TSC22D2: variants seen among roughly 807,000 people sequenced by gnomAD.
TSC22D2 encodes the protein TSC22 domain family protein 2.
A neutral mutation model predicts 50.1 loss-of-function variants in TSC22D2; 5 were observed. That is an observed-to-expected ratio of 0.10 (90% CI 0.05 to 0.21). TSC22D2 has a LOEUF of 0.21. Among genes scored for constraint, TSC22D2 ranks in the 10% least tolerant of loss-of-function variants. The pLI, the probability that TSC22D2 is intolerant of heterozygous loss-of-function variation, is 1.00. For missense variants in TSC22D2, 1,003 were observed against 1,015.5 expected, an observed-to-expected ratio of 0.99 and a Z score of 0.17; for synonymous variants, 501 against 450.1, an observed-to-expected ratio of 1.11 and a Z score of -1.43.
chr3:150,443,121 GTTCCT>G (rs1313310222), intron 1 of TSC22D2, among the ~76,000 whole-genome samples: 4 of 152,174 alleles, frequency 2.6e-5, no homozygotes, highest in Admixed American at 2.6e-4. Context: ...TGTCTACAGT[GTTCCT>G]TTCAAGTTGT....
chr3:150,421,744 A>G (rs1388022654), intron 1 of TSC22D2, among the ~76,000 whole-genome samples: 8 of 152,170 alleles, frequency 5.3e-5, no homozygotes. Context: ...GGACCCCAGA[A>G]TTGCCATGTT....
chr3:150,454,521 T>C (rs1721130790), intron 1 of TSC22D2, among the ~76,000 whole-genome samples: 1 of 152,192 alleles, frequency 6.6e-6, no homozygotes, highest in Admixed American at 6.5e-5. Context: ...AGATTCCACA[T>C]CATCTGGGAA....
Position 150,409,661 on chromosome 3 carries a change from G to T in TSC22D2, c.311G>T (p.Gly104Val). ...GCGGCGGCTGCTGCTCCCGCCAACG[G>T]AGGAGGAGTCGTTTCGGCCCGGAGC... ...LAAAAAAPAN[G>V]GGVVSARSVS... Residue 104 changes from glycine (G) to valine (V), a missense_variant, in exon 1 of 3, where the codon GGA (glycine) becomes GTA (valine). Physicochemically the swap from Gly to Val is moderately radical, Grantham distance 109. This residue lies in a region of TSC22D2 where 200 missense variants were observed against 182.8 expected (regional missense o/e 1.09). Coordinates refer to ENST00000688009, the MANE Select transcript of TSC22D2 (RefSeq NM_001303264.2). This position sits in a 1 kb window ranked among gnomAD's most constrained non-coding sequence, Gnocchi z 7.4. The T allele has an allele frequency of 6.2e-7, 1 of 1,602,658 alleles. No individual in the cohort carries two copies.
intron 1 of TSC22D2, among the ~76,000 whole-genome samples, chr3:150,421,828 G>A (rs1560082186): frequency 2.6e-5 from 4 of 152,096 alleles, no homozygotes; most frequent in Admixed American, 1.3e-4. Flanking sequence ...TTTACATTTA[G>A]TCTCAGTTCT....
intron 1 of TSC22D2, chr3:150,422,915 T>C (rs1008144035): frequency 1.6e-4 from 93 of 570,156 alleles, no homozygotes; most frequent in Non-Finnish European, 2.3e-4. Context: ...AGCAAACTTA[T>C]GTGGTTTTAA....
intron 1 of TSC22D2, among the ~76,000 whole-genome samples, chr3:150,434,155 T>G (rs911524052): frequency 1.3e-5 from 2 of 150,250 alleles, no homozygotes; most frequent in Non-Finnish European, 3.0e-5. Context: ...GTTTTTTGTT[T>G]TTTTTTTTTT....
Position 150,463,546 on chromosome 3 carries a change from C to T in TSC22D2, c.*4910C>T, listed in dbSNP as rs891589386. 4 of 152,172 alleles carry T rather than the reference C, an allele frequency of 2.6e-5. No individual in the cohort carries two copies. The highest frequency in any genetic ancestry group is 9.7e-5 in the African/African-American group (4 of 41,436). The allele number at this position is 152,172 out of a possible 1,614,324, so 9.4% of individuals were successfully genotyped here. On this transcript the variant is annotated 3_prime_UTR_variant, in exon 3 of 3. Coordinates refer to ENST00000688009, the MANE Select transcript of TSC22D2 (RefSeq NM_001303264.2). ...ATTTCTGTACCAGTTCACAGAATTT[C>T]TACAGCAAGATCCCTTTAAATGTAT... is the stretch of plus-strand genomic sequence containing the variant.
At chr3:150,412,320 T>C (rs1719604995) in intron 1 of TSC22D2, among the ~76,000 whole-genome samples, 2 of 152,202 alleles carry the variant, frequency 1.3e-5, no homozygotes, top group Admixed American at 6.5e-5. Context: ...AGTTAGACAT[T>C]TCTTTGCTGG....
rs1457675742 is a variant in TSC22D2 at position 150,461,731 on chromosome 3, C to T, written c.*3095C>T. The T allele has an allele frequency of 1.3e-5, 2 of 151,984 alleles. No homozygotes were observed. Among genetic ancestry groups the T allele is most frequent in the Non-Finnish European group, 2.9e-5 (2 of 68,008 alleles). The allele number at this position is 151,984 out of a possible 1,614,324, so 9.4% of individuals were successfully genotyped here. On this transcript the variant is annotated 3_prime_UTR_variant, in exon 3 of 3. Coordinates refer to ENST00000688009, the MANE Select transcript of TSC22D2 (RefSeq NM_001303264.2). ...ATGCTAATTAGAAGTATTGAGATAA[C>T]GTTTTATAATCAAGCCTCCAGTGAC...
chr3:150,443,327 G>T (rs1720778150), intron 1 of TSC22D2, among the ~76,000 whole-genome samples: 1 of 152,144 alleles, frequency 6.6e-6, no homozygotes, highest in Non-Finnish European at 1.5e-5. Context: ...CATTGAACTG[G>T]GTACATCCTC....
chr3:150,447,218 T>C (rs376428728), intron 1 of TSC22D2, among the ~76,000 whole-genome samples: 2 of 152,278 alleles, frequency 1.3e-5, no homozygotes, highest in East Asian at 3.9e-4. Flanking sequence ...AGGAGGCAAA[T>C]GTGAGGCCAT....
In TSC22D2 at chr3:150,461,222, G is replaced by C. The variant is rs1197557579; in HGVS notation, c.*2586G>C. On this transcript the variant is annotated 3_prime_UTR_variant, in exon 3 of 3. Transcript: ENST00000688009. ...TGTTCAAAAATGCAGAATTATTGTG[G>C]TGTCTGCCCTCTGCTTTCCCATCAT... 6.6e-6 allele frequency: 1 copy of C among 152,130 alleles called. No individual in the cohort carries two copies. The highest frequency in any genetic ancestry group is 2.4e-5 in the African/African-American group (1 of 41,418). The allele number at this position is 152,130 out of a possible 1,614,324, so 9.4% of individuals were successfully genotyped here. A position where few individuals can be genotyped will look rare whatever the true frequency, so the allele number is the denominator to read the frequency against.
Position 150,410,522 on chromosome 3 carries a change from C to T in TSC22D2, c.1172C>T (p.Pro391Leu). The T allele has an allele frequency of 3.2e-6, 5 of 1,582,414 alleles. No homozygotes were observed. The highest frequency in any genetic ancestry group is 4.3e-6 in the Non-Finnish European group (5 of 1,165,804). ...LQQHVAGLQP[P>L]SPAQPSSTGA... Reference sequence around the variant, plus strand: ...CAGCACGTGGCCGGCCTGCAGCCGCCAAGCCCCGCGCAGCCCTCGTCCACC... The same window carrying T: ...CAGCACGTGGCCGGCCTGCAGCCGCTAAGCCCCGCGCAGCCCTCGTCCACC... Residue 391 changes from proline (P) to leucine (L), a missense_variant, in exon 1 of 3, where the codon CCA becomes CTA. Pro to Leu is a moderately conservative substitution (Grantham distance 98). Transcript: ENST00000688009.
rs1024774716 is a variant in TSC22D2 at position 150,438,706 on chromosome 3, T to C, written c.1959-18370T>C. On this transcript the variant is annotated intron_variant, in intron 1 of 2. Coordinates refer to ENST00000688009, the MANE Select transcript of TSC22D2 (RefSeq NM_001303264.2). ...ACCAGGAGATATTTGAGAAATAATATATTCATCTTTTCTTTAAAAAAAATC... is the reference window on the plus strand; with the variant it reads ...ACCAGGAGATATTTGAGAAATAATACATTCATCTTTTCTTTAAAAAAAATC... Among the ~76,000 whole-genome samples, 12 of 152,100 alleles carry C rather than the reference T, an allele frequency of 7.9e-5. 1 individual carries two copies. The highest frequency in any genetic ancestry group is 7.4e-5 in the Non-Finnish European group (5 of 68,002).
chr3:150,428,555 A>G (rs1687476599), intron 1 of TSC22D2, among the ~76,000 whole-genome samples: 2 of 151,556 alleles, frequency 1.3e-5, no homozygotes, highest in Admixed American at 1.3e-4. Context: ...ATTTATATGT[A>G]AATTCAGGGA....
intron 1 of TSC22D2, among the ~76,000 whole-genome samples, chr3:150,441,630 T>C (rs11922395): frequency 0.011 from 1,644 of 152,154 alleles, 28 homozygotes; most frequent in Non-Finnish European, 0.018. Flanking sequence ...GGTGCACACC[T>C]GTGGTCTCAG....
intron 1 of TSC22D2, among the ~76,000 whole-genome samples, chr3:150,426,985 T>G (rs1720214155): frequency 6.6e-6 from 1 of 152,034 alleles, no homozygotes; most frequent in South Asian, 2.1e-4. Context: ...TATGAGATTT[T>G]TTTTTGAAGC....
chr3:150,448,876 G>GTGTATA (rs761190525), intron 1 of TSC22D2, among the ~76,000 whole-genome samples: 1 of 146,874 alleles, frequency 6.8e-6, no homozygotes, highest in African/African-American at 2.5e-5. Context: ...TTTTAATCTT[G>GTGTATA]TATATATATA....
intron 1 of TSC22D2, among the ~76,000 whole-genome samples, chr3:150,412,247 T>C (rs1719602423): frequency 6.6e-6 from 1 of 152,222 alleles, no homozygotes; most frequent in African/African-American, 2.4e-5. Flanking sequence ...TTTTAAAAGC[T>C]GACTTGTTGC....
Sources: allele counts gnomAD v4.1 joint callset (sites outside exome capture counted in the v4.1 genomes callset), GRCh38; gene constraint gnomAD v4.1.1; regional missense constraint gnomAD v4.1.1; non-coding constraint Gnocchi (gnomAD v3.1); transcripts MANE v1.5; gene names NCBI Gene and HGNC (gene_info 2026-07-23, HGNC 2026-07-21).